Variants in LGI2 observed in about 807,000 individuals in gnomAD.
LGI2 encodes the protein leucine rich repeat LGI family member 2, also known as leucine-rich repeat LGI family member 2.
LGI2 carries 30 observed loss-of-function variants against 52.0 expected under a neutral mutation model. The ratio of observed to expected loss-of-function variants is 0.58; its 90% CI spans 0.43 to 0.78. The LOEUF (loss-of-function observed/expected upper bound fraction) is 0.78, where lower values mean the gene tolerates loss of function less well. Among genes scored for constraint, LGI2 ranks in the 30% least tolerant of loss-of-function variants. LGI2 has a pLI of 0.00. For synonymous variants in LGI2, 270 were observed against 271.8 expected (o/e 0.99, Z 0.06); for missense variants, 573 against 692.5 (o/e 0.83, Z 1.94).
rs1725342606 is a variant in LGI2 at position 25,004,510 on chromosome 4, A to G, written c.821-242T>C. ...AAGAGATATCTGTACACCTAATGCTATAGACCAAATGTTTGTGCTCTCTCC... is the reference window on the plus strand; with the variant it reads ...AAGAGATATCTGTACACCTAATGCTGTAGACCAAATGTTTGTGCTCTCTCC... On this transcript the variant is annotated intron_variant, in intron 7 of 7. Coordinates refer to ENST00000382114, the MANE Select transcript of LGI2 (RefSeq NM_018176.4). The surrounding 1 kb of genome is among the most constrained non-coding windows in gnomAD (Gnocchi z 4.6). Among the ~76,000 whole-genome samples, 1 of 152,246 alleles carries G rather than the reference A, an allele frequency of 6.6e-6. No homozygotes were observed. Among genetic ancestry groups the G allele is most frequent in the South Asian group, 2.1e-4 (1 of 4,832 alleles).
intron 7 of LGI2, among the ~76,000 whole-genome samples, chr4:25,005,086 G>A (rs1725358240): frequency 6.6e-6 from 1 of 152,190 alleles, no homozygotes; most frequent in Non-Finnish European, 1.5e-5. Flanking sequence ...ACCTAGAGCA[G>A]TCAGATGCAT....
rs538521490 is a variant in LGI2 at position 25,004,631 on chromosome 4, T to C, written c.821-363A>G. Among the ~76,000 whole-genome samples the C allele has an allele frequency of 9.2e-5, 14 of 152,264 alleles. No individual in the cohort carries two copies. The highest frequency in any genetic ancestry group is 3.1e-4 in the African/African-American group (13 of 41,556). On this transcript the variant is annotated intron_variant, in intron 7 of 7. Transcript: ENST00000382114. This position sits in a 1 kb window ranked among gnomAD's most constrained non-coding sequence, Gnocchi z 4.6. ...GTCATGGGAGCAGAGTCCTCAGGAA[T>C]GGGATTAGTGCCTTCCAACTCCCTC... is the stretch of plus-strand genomic sequence containing the variant.
Position 25,003,739 on chromosome 4 carries a change from A to G in LGI2, c.1350T>C (p.Ser450=), listed in dbSNP as rs1560286712. The stretch of plus-strand genomic sequence containing the variant: ...GAGCTTGGATCTCCACAAACTGCTT[A>G]CTGTTCCACCTCATGACCCGGGAGT... ...IGDSRVMRWN[S]KQFVEIQALP... is the part of the protein sequence containing the mutation. The change falls in exon 8 of 8, where the codon AGT becomes AGC. Residue 450 remains serine, a synonymous_variant. Coordinates refer to ENST00000382114, the MANE Select transcript of LGI2 (RefSeq NM_018176.4). 1 of 1,614,220 alleles carries G rather than the reference A, an allele frequency of 6.2e-7. No homozygotes were observed. The highest frequency in any genetic ancestry group is 8.5e-7 in the Non-Finnish European group (1 of 1,180,036).
intron 4 of LGI2, among the ~76,000 whole-genome samples, chr4:25,021,107 C>CAA (rs11445051): frequency 0.052 from 6,916 of 132,086 alleles, 530 homozygotes; most frequent in African/African-American, 0.17. Flanking sequence ...TGGTCAAAGC[C>CAA]AAAAAAAAAA....
intron 6 of LGI2, 75 bp from the exon 7 acceptor site, chr4:25,012,574 A>C: frequency 6.8e-7 from 1 of 1,469,206 alleles, no homozygotes; most frequent in South Asian, 1.2e-5. Flanking sequence ...TCACCGTTCC[A>C]TCATCACATC....
At chr4:25,019,706 A>T (rs1725893718) in intron 4 of LGI2, among the ~76,000 whole-genome samples, 1 of 152,158 alleles carries the variant, frequency 6.6e-6, no homozygotes, top group African/African-American at 2.4e-5. Flanking sequence ...TCTGCCTGGA[A>T]TGTTCTTTCC....
At chr4:25,020,684 G>A (rs1225885342) in intron 4 of LGI2, among the ~76,000 whole-genome samples, 11 of 152,152 alleles carry the variant, frequency 7.2e-5, no homozygotes, top group Non-Finnish European at 1.5e-5. Flanking sequence ...CCTACCTAGA[G>A]TCGGTTAGCT....
In LGI2 at chr4:25,003,857, T is replaced by C. The variant is rs748089698; in HGVS notation, c.1232A>G (p.His411Arg). Residue 411 changes from histidine (H) to arginine (R), a missense_variant, in exon 8 of 8, where the codon CAT becomes CGT. His to Arg is a conservative substitution (Grantham distance 29, BLOSUM62 0). Transcript: ENST00000382114. ...WNKSSKKFVP[H>R]GDIPNMEDVL... ...GTCCTCCATGTTGGGGATGTCACCA[T>C]GGGGGACAAACTTCTTAGAGCTTTT... 4.3e-6 allele frequency: 7 copies of C among 1,614,046 alleles called. No homozygotes were observed. In the South Asian group the frequency reaches 7.7e-5, roughly 18 times the overall value.
At chr4:25,006,206 C>T (rs546026069) in intron 7 of LGI2, among the ~76,000 whole-genome samples, 132 of 152,246 alleles carry the variant, frequency 8.7e-4, no homozygotes, top group Middle Eastern at 3.4e-3. Flanking sequence ...GACCATTTTC[C>T]GTGGTGACTC....
Position 25,023,302 on chromosome 4 carries a change from C to T in LGI2, c.413+1518G>A, listed in dbSNP as rs534318691. Reference sequence around the variant, plus strand: ...AAGCCTATCCAAGCCTATACGACTCCAAGCCCACAATTGTAGTCTCTACAG... The same window carrying T: ...AAGCCTATCCAAGCCTATACGACTCTAAGCCCACAATTGTAGTCTCTACAG... On this transcript the variant is annotated intron_variant, in intron 4 of 7. Transcript: ENST00000382114. 6.0e-4 allele frequency among the ~76,000 whole-genome samples: 92 copies of T among 152,314 alleles called. 1 individual carries two copies. In the Middle Eastern group the frequency reaches 0.017, roughly 28 times the overall value.
chr4:25,007,469 G>C (rs1421313787), intron 7 of LGI2, among the ~76,000 whole-genome samples: 1 of 152,026 alleles, frequency 6.6e-6, no homozygotes, highest in African/African-American at 2.4e-5. Context: ...TGTCCTAGAG[G>C]TCTGCCTGTC....
At chr4:25,020,425 G>A (rs1378398419) in intron 4 of LGI2, among the ~76,000 whole-genome samples, 1 of 152,216 alleles carries the variant, frequency 6.6e-6, no homozygotes, top group Non-Finnish European at 1.5e-5. Flanking sequence ...GATGTAGAAA[G>A]ACGTGGAGTG....
chr4:24,993,496 TAC>T, the LGI2 span, among the ~76,000 whole-genome samples: 15 of 152,210 alleles, frequency 9.9e-5, no homozygotes, highest in South Asian at 3.1e-3. Context: ...TTAATTGAGG[TAC>T]ACTTTGGGAC....
At chr4:25,012,174 C>T (rs1055792850) in intron 7 of LGI2, among the ~76,000 whole-genome samples, 161 bp downstream of exon 7, 1 of 152,178 alleles carries the variant, frequency 6.6e-6, no homozygotes, top group African/African-American at 2.4e-5. Flanking sequence ...CACACCAAGA[C>T]AAAAACTGGA....
At chr4:24,992,652 C>T in the LGI2 span, among the ~76,000 whole-genome samples, 1 of 152,164 alleles carries the variant, frequency 6.6e-6, no homozygotes, top group South Asian at 2.1e-4. Flanking sequence ...CATTGCACTC[C>T]AGCTTGGGCA....
At chr4:25,025,095 T>C (rs1726102528) in intron 3 of LGI2, among the ~76,000 whole-genome samples, 1 of 152,202 alleles carries the variant, frequency 6.6e-6, no homozygotes, top group South Asian at 2.1e-4. Context: ...TGGTCTGCAC[T>C]CCTTCCAGAA....
intron 6 of LGI2, among the ~76,000 whole-genome samples, chr4:25,016,276 C>T (rs1002217001): frequency 3.9e-5 from 6 of 152,212 alleles, no homozygotes; most frequent in Non-Finnish European, 7.3e-5. Context: ...AGTTTCTCCA[C>T]GCTATGGCCA....
chr4:25,011,947 G>C (rs1291236152), intron 7 of LGI2, among the ~76,000 whole-genome samples: 7 of 152,258 alleles, frequency 4.6e-5, no homozygotes, highest in African/African-American at 1.7e-4. Flanking sequence ...GTGTTTGTTA[G>C]CATATTGGTT....
chr4:25,017,748 G>A (rs1725821287), intron 6 of LGI2, among the ~76,000 whole-genome samples: 1 of 152,036 alleles, frequency 6.6e-6, no homozygotes, highest in South Asian at 2.1e-4. Flanking sequence ...AACACTTACA[G>A]AAATTTGAAT....
Sources: allele counts gnomAD v4.1 joint callset (sites outside exome capture counted in the v4.1 genomes callset), GRCh38; gene constraint gnomAD v4.1.1; non-coding constraint Gnocchi (gnomAD v3.1); transcripts MANE v1.5; gene names NCBI Gene and HGNC (gene_info 2026-07-23, HGNC 2026-07-21).